Variants in PRKCD observed in about 807,000 individuals in gnomAD.
PRKCD encodes protein kinase C delta.
PRKCD carries 20 observed loss-of-function variants against 82.2 expected under a neutral mutation model. The observed-to-expected ratio is 0.24, with a 90% CI of 0.17 to 0.35. PRKCD has a LOEUF of 0.35. Ranked by LOEUF, PRKCD falls within the 10% of genes least tolerant of loss-of-function variation. The probability of loss-of-function intolerance (pLI) is 1.00; values close to 1 mark genes in which losing one functional copy is unlikely to be tolerated. For missense variants in PRKCD, 607 were observed against 899.0 expected, an observed-to-expected ratio of 0.68 and a Z score of 4.15; for synonymous variants, 317 against 337.0, an observed-to-expected ratio of 0.94 and a Z score of 0.65.
At chr3:53,162,260 G>A (rs956347759) in intron 1 of PRKCD, among the ~76,000 whole-genome samples, 4 of 147,096 alleles carry the variant, frequency 2.7e-5, no homozygotes, top group African/African-American at 8.2e-5. Flanking sequence ...ACCAGATGAG[G>A]GGAGGAGGTC....
chr3:53,175,445 C>T (rs1430817691), intron 2 of PRKCD, among the ~76,000 whole-genome samples: 1 of 152,126 alleles, frequency 6.6e-6, no homozygotes, highest in Non-Finnish European at 1.5e-5. Context: ...ATCCCCACAA[C>T]CCTGAGCCAA....
At chr3:53,186,932 C>T (rs1703720819) in intron 14 of PRKCD, among the ~76,000 whole-genome samples, 1 of 152,164 alleles carries the variant, frequency 6.6e-6, no homozygotes, top group South Asian at 2.1e-4. Context: ...CTGGCCGCTC[C>T]GTGGGCCACA....
rs1553668639 is a variant in PRKCD at position 53,184,906 on chromosome 3, G to A, written c.820G>A (p.Glu274Lys). The A allele has an allele frequency of 6.2e-7, 1 of 1,614,060 alleles. No individual in the cohort carries two copies. The highest frequency in any genetic ancestry group is 1.1e-5 in the South Asian group (1 of 91,086). Residue 274 changes from glutamate (E) to lysine (K), a missense_variant, in exon 10 of 19, where the codon GAG becomes AAG. Around this residue, in one of 5 missense-constraint regions of PRKCD, gnomAD observed 109 missense variants for 155.6 expected, o/e 0.70. Coordinates refer to ENST00000330452, the MANE Select transcript of PRKCD (RefSeq NM_006254.4). ...CATGAATGTGCACCATAAATGCCGG[G>A]AGAAGGTGGCCAACCTCTGCGGCAT... ...CGMNVHHKCR[E>K]KVANLCGINQ...
At chr3:53,183,929 T>C (rs1269521004) in intron 9 of PRKCD, among the ~76,000 whole-genome samples, 1 of 152,210 alleles carries the variant, frequency 6.6e-6, no homozygotes, top group Non-Finnish European at 1.5e-5. Context: ...TCTGCTTCAC[T>C]TAGAGATGAG....
chr3:53,176,931 C>A (rs782118463), intron 2 of PRKCD, among the ~76,000 whole-genome samples: 1 of 152,156 alleles, frequency 6.6e-6, no homozygotes, highest in African/African-American at 2.4e-5. Context: ...CAGGTTCCAG[C>A]CATTCTTCTG....
chr3:53,186,636 C>T lies in PRKCD; in HGVS notation c.1293C>T (p.Asn431=), dbSNP rs377107086. The T allele has an allele frequency of 5.3e-5, 86 of 1,613,662 alleles. 1 individual carries two copies. The highest frequency in any genetic ancestry group is 1.6e-4 in the Middle Eastern group (1 of 6,080). ...TGTTCTTTGTGATGGAGTTCCTCAACGGGGGGGACCTGATGTACCACATCC... is the reference window on the plus strand; with the variant it reads ...TGTTCTTTGTGATGGAGTTCCTCAATGGGGGGGACCTGATGTACCACATCC... ...DHLFFVMEFL[N]GGDLMYHIQD... is the part of the protein sequence containing the mutation. Residue 431 remains asparagine (N), a synonymous_variant, in exon 14 of 19, where the codon AAC becomes AAT. Transcript: ENST00000330452.
Position 53,181,435 on chromosome 3 carries a change from G to A in PRKCD, c.377-9G>A. 5 of 1,614,122 alleles carry A rather than the reference G, an allele frequency of 3.1e-6. No homozygotes were observed. Among genetic ancestry groups the A allele is most frequent in the Non-Finnish European group, 3.4e-6 (4 of 1,179,992 alleles). On this transcript the variant is annotated splice_polypyrimidine_tract_variant and intron_variant, in intron 5 of 18. Coordinates refer to ENST00000330452, the MANE Select transcript of PRKCD (RefSeq NM_006254.4). Reference sequence around the variant, plus strand: ...ACCAGGGCTGACTTCCCTACTCCATGGTCACCAGATTGCAAACAGTCTATG... The same window carrying A: ...ACCAGGGCTGACTTCCCTACTCCATAGTCACCAGATTGCAAACAGTCTATG...
At chr3:53,167,222 G>A (rs964537278) in intron 2 of PRKCD, among the ~76,000 whole-genome samples, 2 of 152,060 alleles carry the variant, frequency 1.3e-5, no homozygotes, top group African/African-American at 4.8e-5. Flanking sequence ...GCCTTGCTCC[G>A]CCCCTGCCTT....
chr3:53,188,264 C>T (rs1257227008), intron 15 of PRKCD, among the ~76,000 whole-genome samples: 16 of 145,942 alleles, frequency 1.1e-4, no homozygotes, highest in African/African-American at 4.0e-4. Flanking sequence ...CCTAGAATTG[C>T]TCTAAGGAGA....
intron 7 of PRKCD, among the ~76,000 whole-genome samples, chr3:53,182,408 A>C (rs1438816277): frequency 6.6e-6 from 1 of 152,072 alleles, no homozygotes; most frequent in African/African-American, 2.4e-5. Flanking sequence ...AGCTGGGATT[A>C]CAGGCGTGCA....
chr3:53,178,527 G>T lies in PRKCD; in HGVS notation c.105G>T (p.Ala35=), dbSNP rs141615361. ...QPFCAVKMKE[A]LSTERGKTLV... ...TCTGTGCCGTGAAGATGAAGGAGGC[G>T]CTCAGCACAGGTAGGCCTGGAGGCT... Residue 35 remains alanine, a synonymous_variant, in exon 3 of 19, where the codon GCG becomes GCT. Transcript: ENST00000330452. The T allele has an allele frequency of 2.5e-6, 4 of 1,612,360 alleles. No homozygotes were observed. In the Admixed American group the frequency reaches 6.7e-5, roughly 27 times the overall value.
At position 53,169,812 on chromosome 3, in the gene PRKCD, C is replaced by T. The variant is rs1702957790; in HGVS notation, c.-20+4597C>T. ...GGCACCCTGCGGCTGGGGGGCTTAA[C>T]AGAGCCTCTTTTCCCACTTTCCAAG... is the stretch of plus-strand genomic sequence containing the variant. On this transcript the variant is annotated intron_variant, in intron 2 of 18. Coordinates refer to ENST00000330452, the MANE Select transcript of PRKCD (RefSeq NM_006254.4). The surrounding 1 kb of genome is among the most constrained non-coding windows in gnomAD (Gnocchi z 4.7). 6.6e-6 allele frequency among the ~76,000 whole-genome samples: 1 copy of T among 152,194 alleles called. No homozygotes were observed. The highest frequency in any genetic ancestry group is 2.4e-5 in the African/African-American group (1 of 41,444).
At chr3:53,176,330 A>C (rs1409699804) in intron 2 of PRKCD, among the ~76,000 whole-genome samples, 1 of 152,246 alleles carries the variant, frequency 6.6e-6, no homozygotes, top group Non-Finnish European at 1.5e-5. Context: ...TGCTGGCCTC[A>C]GAGGGCTGCC....
intron 14 of PRKCD, among the ~76,000 whole-genome samples, 190 bp from the exon 15 acceptor site, chr3:53,187,150 C>T (rs1703734546): frequency 6.6e-6 from 1 of 151,630 alleles, no homozygotes; most frequent in Non-Finnish European, 1.5e-5. Flanking sequence ...TGAGAGCTTT[C>T]CCTTCAGAAC....
chr3:53,166,295 C>G (rs547794032), intron 2 of PRKCD, among the ~76,000 whole-genome samples: 1 of 152,308 alleles, frequency 6.6e-6, no homozygotes, highest in African/African-American at 2.4e-5. Flanking sequence ...AGTAAAGCGC[C>G]TTTGGCTGTC....
intron 1 of PRKCD, among the ~76,000 whole-genome samples, chr3:53,163,058 G>A (rs1702727288): frequency 6.6e-6 from 1 of 151,688 alleles, no homozygotes; most frequent in Admixed American, 6.6e-5. Flanking sequence ...GCTGTATGGT[G>A]CATGTGTGAT....
intron 2 of PRKCD, among the ~76,000 whole-genome samples, chr3:53,170,581 C>T (rs1702987679): frequency 6.6e-6 from 1 of 152,268 alleles, no homozygotes; most frequent in African/African-American, 2.4e-5. Context: ...CCCTTACACA[C>T]TTTAGACTTT....
chr3:53,183,001 G>A, intron 7 of PRKCD, 120 bp from the exon 8 acceptor site: 1 of 943,014 alleles, frequency 1.1e-6, no homozygotes, highest in Non-Finnish European at 1.7e-6. Flanking sequence ...GTGAGGGTGT[G>A]GGCGGTCAGG....
chr3:53,164,880 A>G (rs1702784682), intron 1 of PRKCD, among the ~76,000 whole-genome samples: 1 of 152,152 alleles, frequency 6.6e-6, no homozygotes, highest in Non-Finnish European at 1.5e-5. Context: ...CAGGGCAGGG[A>G]CACAGTGTTC....
Sources: gnomAD v4.1 joint callset for allele counts (sites outside exome capture counted in the v4.1 genomes callset) on GRCh38, gnomAD v4.1.1 for gene constraint, gnomAD v4.1.1 regional missense constraint, Gnocchi (gnomAD v3.1) non-coding constraint, MANE v1.5 for transcripts, NCBI Gene and HGNC (gene_info 2026-07-23, HGNC 2026-07-21) for gene names.